The following ADGRB2 variants were observed in gnomAD, a reference collection of about 807,000 sequenced individuals.
The protein encoded by ADGRB2 is brain-specific angiogenesis inhibitor 2.
Under a neutral mutation model 178.7 loss-of-function variants are expected in ADGRB2, and 47 were observed. The observed-to-expected ratio is 0.26, with a 90% CI of 0.21 to 0.34. The LOEUF is 0.34. ADGRB2 is among the 10% of genes least tolerant of loss of function. ADGRB2 has a pLI of 1.00. For missense variants in ADGRB2, 1,584 were observed against 2,180.8 expected, an observed-to-expected ratio of 0.73 and a Z score of 5.45; for synonymous variants, 870 against 912.4, an observed-to-expected ratio of 0.95 and a Z score of 0.84.
At position 31,727,233 on chromosome 1, in the gene ADGRB2, C is replaced by T; in HGVS notation, c.*187G>A. The T allele has an allele frequency of 1.6e-6, 1 of 610,728 alleles. No homozygotes were observed. Among genetic ancestry groups the T allele is most frequent in the Non-Finnish European group, 2.6e-6 (1 of 387,326 alleles). The allele number at this position is 610,728 out of a possible 1,614,324, so 37.8% of individuals were successfully genotyped here. A position where few individuals can be genotyped will look rare whatever the true frequency, so the allele number is the denominator to read the frequency against. On this transcript the variant is annotated 3_prime_UTR_variant, in exon 33 of 33. Coordinates refer to ENST00000373658, the MANE Select transcript of ADGRB2 (RefSeq NM_001364857.2). The surrounding 1 kb of genome is among the most constrained non-coding windows in gnomAD (Gnocchi z 4.4). ...CAGTGGCTGAGGGGCCTCTGAGAAACAAGGAAGGGCCCTGGGACCCCAGGC... is the reference window on the plus strand; with the variant it reads ...CAGTGGCTGAGGGGCCTCTGAGAAATAAGGAAGGGCCCTGGGACCCCAGGC...
chr1:31,727,652 C>A lies in ADGRB2; in HGVS notation c.4573-47G>T. ...CCGTGGAGATGGGCCAATATCCTTACCCATTGTACAGACGATCAAACTGAG... is the reference window on the plus strand; with the variant it reads ...CCGTGGAGATGGGCCAATATCCTTAACCATTGTACAGACGATCAAACTGAG... On this transcript the variant is annotated intron_variant, in intron 32 of 32. Coordinates refer to ENST00000373658, the MANE Select transcript of ADGRB2 (RefSeq NM_001364857.2). This position sits in a 1 kb window ranked among gnomAD's most constrained non-coding sequence, Gnocchi z 4.4. 1 of 1,443,550 alleles carries A rather than the reference C, an allele frequency of 6.9e-7. No individual in the cohort carries two copies. Among genetic ancestry groups the A allele is most frequent in the Non-Finnish European group, 9.1e-7 (1 of 1,099,766 alleles). 89.4% of individuals were successfully genotyped at this position (1,443,550 alleles called of 1,614,324 possible). A position where few individuals can be genotyped will look rare whatever the true frequency, so the allele number is the denominator to read the frequency against.
At chr1:31,736,751 G>A (rs759980174) in intron 20 of ADGRB2, 28 bp from the exon 21 acceptor site, 7 of 1,605,358 alleles carry the variant, frequency 4.4e-6, no homozygotes, top group South Asian at 3.3e-5. Context: ...GGGAGGGAGT[G>A]GCCCTGAGCA....
At chr1:31,748,211 G>A (rs1272064370) in intron 4 of ADGRB2, among the ~76,000 whole-genome samples, 6 of 152,214 alleles carry the variant, frequency 3.9e-5, no homozygotes, top group Non-Finnish European at 8.8e-5. Flanking sequence ...TGGGGTCAGT[G>A]GTTTCCAGAA....
intron 1 of ADGRB2, among the ~76,000 whole-genome samples, chr1:31,757,958 C>G (rs1364334639): frequency 1.3e-5 from 2 of 152,184 alleles, no homozygotes; most frequent in Admixed American, 6.5e-5. Context: ...ACACACAGAG[C>G]AGTCAGGCCA....
Position 31,743,012 on chromosome 1 carries a change from A to ATTCC in ADGRB2, c.1088-11_1088-10insGGAA. On this transcript the variant is annotated splice_polypyrimidine_tract_variant and intron_variant, in intron 6 of 32. Transcript: ENST00000373658. ...TCCCACACGCCGTGCACTGCAAGGA[A>ATTCC]GCACGTGGCCGGTGGCTGGGCGGCA... 1.9e-5 allele frequency: 27 copies of ATTCC among 1,443,802 alleles called. No individual in the cohort carries two copies. The highest frequency in any genetic ancestry group is 2.5e-5 in the Non-Finnish European group (27 of 1,092,830). 89.4% of individuals were successfully genotyped at this position (1,443,802 alleles called of 1,614,324 possible). A position where few individuals can be genotyped will look rare whatever the true frequency, so the allele number is the denominator to read the frequency against.
Position 31,740,392 on chromosome 1 carries a change from G to C in ADGRB2, c.1944C>G (p.Asp648Glu), listed in dbSNP as rs1557758598. 1.9e-6 allele frequency: 3 copies of C among 1,614,004 alleles called. No homozygotes were observed. The highest frequency in any genetic ancestry group is 2.5e-6 in the Non-Finnish European group (3 of 1,179,940). ...GCACGTAGGTGGCCCTCTTAAAGGT[G>C]TCAGTGACATTCCTCAGAATGTCCA... Reference protein sequence around the residue: ...FSVDILRNVTDTFKRATYVPS... With the variant: ...FSVDILRNVTETFKRATYVPS... The change falls in exon 12 of 33, where the codon GAC (aspartate) becomes GAG (glutamate). Residue 648 changes from aspartate to glutamate, a missense_variant. By Grantham distance (45) the Asp-to-Glu change is conservative. Transcript: ENST00000373658. The surrounding 1 kb of genome is among the most constrained non-coding windows in gnomAD (Gnocchi z 5.9).
Position 31,731,434 on chromosome 1 carries a change from G to A in ADGRB2, c.3761-15C>T. On this transcript the variant is annotated splice_polypyrimidine_tract_variant and intron_variant, in intron 28 of 32. Transcript: ENST00000373658. ...CTTGAACAGCACTGGGGGCAGGAGT[G>A]GGAGGGAGGGGGTGAGTCCTGAGGA... is the stretch of plus-strand genomic sequence containing the variant. 6.4e-7 allele frequency: 1 copy of A among 1,564,090 alleles called. No individual in the cohort carries two copies. Among genetic ancestry groups the A allele is most frequent in the African/African-American group, 1.3e-5 (1 of 74,084 alleles).
Position 31,744,122 on chromosome 1 carries a change from A to T in ADGRB2, c.1087+71T>A. ...GAGGAGGCAACCAACCATTTTGGAGATTAATCTGCCCAAGTCCCAGGCAGG... is the reference window on the plus strand; with the variant it reads ...GAGGAGGCAACCAACCATTTTGGAGTTTAATCTGCCCAAGTCCCAGGCAGG... On this transcript the variant is annotated intron_variant, in intron 6 of 32. Coordinates refer to ENST00000373658, the MANE Select transcript of ADGRB2 (RefSeq NM_001364857.2). The surrounding 1 kb of genome is among the most constrained non-coding windows in gnomAD (Gnocchi z 6.7). 6.9e-7 allele frequency: 1 copy of T among 1,446,974 alleles called. No homozygotes were observed. Among genetic ancestry groups the T allele is most frequent in the Non-Finnish European group, 9.1e-7 (1 of 1,093,520 alleles). 89.6% of individuals were successfully genotyped at this position (1,446,974 alleles called of 1,614,324 possible).
At chr1:31,729,438 C>T (rs557763345) in intron 29 of ADGRB2, among the ~76,000 whole-genome samples, 18 of 152,294 alleles carry the variant, frequency 1.2e-4, no homozygotes, top group African/African-American at 3.1e-4. Flanking sequence ...GCTTTCTCTC[C>T]GCTGCCTACC....
Position 31,740,413 on chromosome 1 carries a change from G to T in ADGRB2, c.1923C>A (p.Asp641Glu), listed in dbSNP as rs750994877. The T allele has an allele frequency of 1.9e-6, 3 of 1,614,082 alleles. No individual in the cohort carries two copies. The highest frequency in any genetic ancestry group is 2.5e-6 in the Non-Finnish European group (3 of 1,179,994). The change falls in exon 12 of 33, where the codon GAC (aspartate) becomes GAA (glutamate). Residue 641 changes from aspartate (D) to glutamate (E), a missense_variant. Transcript: ENST00000373658. The surrounding 1 kb of genome is among the most constrained non-coding windows in gnomAD (Gnocchi z 5.9). ...YYSGDLLFSV[D>E]ILRNVTDTFK... ...AGGTGTCAGTGACATTCCTCAGAAT[G>T]TCCACAGAGAAGAGCAGGTCCCCAC...
rs1421132113 is a variant in ADGRB2, at chr1:31,756,735, G to A, written c.102C>T (p.Asp34=). 3.2e-6 allele frequency: 5 copies of A among 1,576,342 alleles called. No individual in the cohort carries two copies. Among genetic ancestry groups the A allele is most frequent in the South Asian group, 2.3e-5 (2 of 85,254 alleles). The change falls in exon 4 of 33, where the codon GAC becomes GAT. Residue 34 remains aspartate (D), a synonymous_variant. Transcript: ENST00000373658. This position sits in a 1 kb window ranked among gnomAD's most constrained non-coding sequence, Gnocchi z 8.5. Reference sequence around the variant, plus strand: ...GGGCAGAGCAGGCACTGGGGGCGGGGTCGAAGGCGGTGGCCAGGCGCAGGG... The same window carrying A: ...GGGCAGAGCAGGCACTGGGGGCGGGATCGAAGGCGGTGGCCAGGCGCAGGG... The part of the protein sequence containing the change: ...ILSLRLATAF[D]PAPSACSALA...
At position 31,741,599 on chromosome 1, in the gene ADGRB2, G is replaced by T. The variant is rs778720057; in HGVS notation, c.1687+25C>A. On this transcript the variant is annotated intron_variant, in intron 10 of 32. Transcript: ENST00000373658. This position sits in a 1 kb window ranked among gnomAD's most constrained non-coding sequence, Gnocchi z 6.5. Reference sequence around the variant, plus strand: ...AATGAGAATGGCAGGGGTGGTGGTGGTGGGGAAAGCCACCTGCCCCTTACC... The same window carrying T: ...AATGAGAATGGCAGGGGTGGTGGTGTTGGGGAAAGCCACCTGCCCCTTACC... The T allele has an allele frequency of 3.1e-6, 5 of 1,609,450 alleles. No homozygotes were observed. In the African/African-American group the frequency reaches 6.7e-5, roughly 22 times the overall value.
Position 31,744,258 on chromosome 1 carries a change from TA to T in ADGRB2, c.1021del (p.Tyr341MetfsTer83). Reference protein sequence around the residue: ...VRTRSCVSSPYGTLCSGPLRE... With the variant: ...VRTRSCVSSPXGTLCSGPLRE... ...CAGGGGCCCGCTGCACAGGGTCCCA[TA>T]GGGGGAGGACACACAGGAGCGGGTC... On this transcript the variant is annotated frameshift_variant, in exon 6 of 33. Transcript: ENST00000373658. LOFTEE classifies it high-confidence loss of function. The surrounding 1 kb of genome is among the most constrained non-coding windows in gnomAD (Gnocchi z 6.7). 2 of 1,550,998 alleles carry T rather than the reference TA, an allele frequency of 1.3e-6. No homozygotes were observed. The highest frequency in any genetic ancestry group is 1.7e-6 in the Non-Finnish European group (2 of 1,146,698).
In ADGRB2 at chr1:31,728,202, G is replaced by A. The variant is rs757293280; in HGVS notation, c.4495C>T (p.Arg1499Cys). 4.3e-5 allele frequency: 70 copies of A among 1,614,072 alleles called. No individual in the cohort carries two copies. The highest frequency in any genetic ancestry group is 6.7e-5 in the Admixed American group (4 of 60,010). ...NQKFHTFDRY[R>C]SQSTAKREKR... is the part of the protein sequence containing the mutation. ...CTCACCTTGGCCGTGGACTGGCTGC[G>A]GTAGCGGTCGAAAGTGTGGAACTTC... The change falls in exon 31 of 33, where the codon CGC becomes TGC. Residue 1499 changes from arginine to cysteine, a missense_variant. This residue lies in a region of ADGRB2 where 865 missense variants were observed against 1,192.8 expected (regional missense o/e 0.73). Coordinates refer to ENST00000373658, the MANE Select transcript of ADGRB2 (RefSeq NM_001364857.2). This position sits in a 1 kb window ranked among gnomAD's most constrained non-coding sequence, Gnocchi z 6.7.
rs576697915 is a variant in ADGRB2 at position 31,728,445 on chromosome 1, G to A, written c.4416+153C>T. Among the ~76,000 whole-genome samples, 1 of 152,238 alleles carries A rather than the reference G, an allele frequency of 6.6e-6. No homozygotes were observed. Among genetic ancestry groups the A allele is most frequent in the South Asian group, 2.1e-4 (1 of 4,828 alleles). On this transcript the variant is annotated intron_variant, in intron 30 of 32. Transcript: ENST00000373658. The surrounding 1 kb of genome is among the most constrained non-coding windows in gnomAD (Gnocchi z 6.7). ...CGTTGGTGCTATGGGCTTGGGCAGG[G>A]AGGGAATCATGGGAAGATCCCACGG...
chr1:31,756,351 C>T lies in ADGRB2; in HGVS notation c.486G>A (p.Leu162=). ...HFDKNFVQLC[L]SAEPSEAPRL... ...GCGGGGCCTCGGAGGGCTCAGCCGA[C>T]AGGCACAGCTGCACGAAGTTCTTGT... The change falls in exon 4 of 33, where the codon CTG becomes CTA. Residue 162 remains leucine, a synonymous_variant. Coordinates refer to ENST00000373658, the MANE Select transcript of ADGRB2 (RefSeq NM_001364857.2). The surrounding 1 kb of genome is among the most constrained non-coding windows in gnomAD (Gnocchi z 8.5). 5.6e-6 allele frequency: 9 copies of T among 1,612,964 alleles called. No individual in the cohort carries two copies. Among genetic ancestry groups the T allele is most frequent in the Non-Finnish European group, 7.6e-6 (9 of 1,179,972 alleles).
rs1646198283 is a variant in ADGRB2 at position 31,744,933 on chromosome 1, G to A, written c.839-202C>T. Among the ~76,000 whole-genome samples, 1 of 152,200 alleles carries A rather than the reference G, an allele frequency of 6.6e-6. No individual in the cohort carries two copies. The highest frequency in any genetic ancestry group is 1.5e-5 in the Non-Finnish European group (1 of 68,030). On this transcript the variant is annotated intron_variant, in intron 4 of 32. Coordinates refer to ENST00000373658, the MANE Select transcript of ADGRB2 (RefSeq NM_001364857.2). This position sits in a 1 kb window ranked among gnomAD's most constrained non-coding sequence, Gnocchi z 6.7. ...AACTGAGGTTCAGAAGGCTACACAGGACTAGGCCCTGACCTCACAGTCATC... is the reference window on the plus strand; with the variant it reads ...AACTGAGGTTCAGAAGGCTACACAGAACTAGGCCCTGACCTCACAGTCATC...
Position 31,764,163 on chromosome 1 carries a change from C to A in ADGRB2, c.-470G>T. 1.7e-6 allele frequency: 1 copy of A among 600,474 alleles called. No individual in the cohort carries two copies. The highest frequency in any genetic ancestry group is 7.0e-5 in the South Asian group (1 of 14,386). 37.2% of individuals were successfully genotyped at this position (600,474 alleles called of 1,614,324 possible). ...CGCCGCCCCCCGCTCCCCCGCTCCC[C>A]CGCCCCGAGCACCGCCCGCGCCGCG... On this transcript the variant is annotated 5_prime_UTR_variant, in exon 1 of 33. Transcript: ENST00000373658. This position sits in a 1 kb window ranked among gnomAD's most constrained non-coding sequence, Gnocchi z 7.3.
chr1:31,759,532 T>G lies in ADGRB2; in HGVS notation c.-190-2021A>C, dbSNP rs1407369618. ...GCTGGCTTCTCCAGAATGGAGTCACTTTTAACCCAATCCAACCCCCCTCCT... is the reference window on the plus strand; with the variant it reads ...GCTGGCTTCTCCAGAATGGAGTCACGTTTAACCCAATCCAACCCCCCTCCT... On this transcript the variant is annotated intron_variant, in intron 1 of 32. Transcript: ENST00000373658. The surrounding 1 kb of genome is among the most constrained non-coding windows in gnomAD (Gnocchi z 4.3). The G allele has an allele frequency of 1.6e-6, 1 of 623,154 alleles. No individual in the cohort carries two copies. The highest frequency in any genetic ancestry group is 2.7e-5 in the East Asian group (1 of 37,086). The allele number at this position is 623,154 out of a possible 1,614,324, so 38.6% of individuals were successfully genotyped here. A position where few individuals can be genotyped will look rare whatever the true frequency, so the allele number is the denominator to read the frequency against.
Sources: gnomAD v4.1 joint callset for allele counts (sites outside exome capture counted in the v4.1 genomes callset) on GRCh38, gnomAD v4.1.1 for gene constraint, gnomAD v4.1.1 regional missense constraint, Gnocchi (gnomAD v3.1) non-coding constraint, MANE v1.5 for transcripts, NCBI Gene and HGNC (gene_info 2026-07-23, HGNC 2026-07-21) for gene names.